The following IQCJ variants were observed in gnomAD, a reference collection of about 807,000 sequenced individuals.
The protein encoded by IQCJ is IQ domain-containing protein J.
In IQCJ, 9 loss-of-function variants were observed where a neutral mutation model predicts 11.0. The ratio of observed to expected loss-of-function variants is 0.82; its 90% CI spans 0.49 to 1.43. The LOEUF (loss-of-function observed/expected upper bound fraction) is 1.43. Among genes scored for constraint, IQCJ ranks in the 40% most tolerant of loss-of-function variants. The pLI, the probability that IQCJ is intolerant of heterozygous loss-of-function variation, is 0.00. For missense variants in IQCJ, 146 were observed against 133.2 expected, an observed-to-expected ratio of 1.10 and a Z score of -0.47; for synonymous variants, 55 against 51.3, an observed-to-expected ratio of 1.07 and a Z score of -0.31.
chr3:159,249,066 G>A (rs1727439999), intron 2 of IQCJ, among the ~76,000 whole-genome samples: 1 of 152,132 alleles, frequency 6.6e-6, no homozygotes, highest in African/African-American at 2.4e-5. Flanking sequence ...GTGTTAGCCA[G>A]GCTGGTCTCG....
intron 1 of IQCJ, among the ~76,000 whole-genome samples, chr3:159,201,511 C>CTGTGTG (rs59855853): frequency 2.5e-4 from 38 of 149,184 alleles, no homozygotes; most frequent in African/African-American, 7.2e-4. Context: ...TTGTGTATCT[C>CTGTGTG]TGTGTGTGTG....
At chr3:159,069,716 G>GGAA in intron 1 of IQCJ, 1 of 570,978 alleles carries the variant, frequency 1.8e-6, no homozygotes, top group South Asian at 1.8e-5. Flanking sequence ...CACTTCCTAT[G>GGAA]AACATCCAGA....
chr3:159,107,846 C>T (rs1017886970), intron 1 of IQCJ, among the ~76,000 whole-genome samples: 1 of 151,824 alleles, frequency 6.6e-6, no homozygotes, highest in South Asian at 2.1e-4. Flanking sequence ...TGTCTTTATT[C>T]GTTCACTGGA....
chr3:159,135,012 G>A (rs1720207359), intron 1 of IQCJ, among the ~76,000 whole-genome samples: 1 of 152,238 alleles, frequency 6.6e-6, no homozygotes, highest in Non-Finnish European at 1.5e-5. Context: ...TTATATACCA[G>A]GACAGTTTGT....
intron 1 of IQCJ, among the ~76,000 whole-genome samples, chr3:159,164,127 C>T (rs921133590): frequency 3.3e-5 from 5 of 152,184 alleles, no homozygotes; most frequent in African/African-American, 1.2e-4. Context: ...GTGGTAACCC[C>T]TTTAAACTTA....
intron 1 of IQCJ, among the ~76,000 whole-genome samples, chr3:159,213,868 C>G (rs1372138158): frequency 6.6e-6 from 1 of 152,082 alleles, no homozygotes; most frequent in Non-Finnish European, 1.5e-5. Context: ...TTTGGAAACT[C>G]CTAAGTTGAC....
intron 1 of IQCJ, among the ~76,000 whole-genome samples, chr3:159,091,829 A>C (rs754334147): frequency 3.4e-4 from 52 of 151,922 alleles, no homozygotes; most frequent in Middle Eastern, 3.4e-3. Flanking sequence ...CCATGGGTTC[A>C]TAGTGATTCT....
At position 159,262,804 on chromosome 3, in the gene IQCJ, T is replaced by C. The variant is rs1728295347; in HGVS notation, c.*73T>C. ...TGGTTTGTGACAGTGAAGATCTATG[T>C]AGCTTATTTGCTACCCAGGAACCCA... On this transcript the variant is annotated 3_prime_UTR_variant, in exon 4 of 4. Coordinates refer to ENST00000397832, the MANE Select transcript of IQCJ (RefSeq NM_001042706.3). 1.3e-6 allele frequency: 2 copies of C among 1,527,360 alleles called. No homozygotes were observed. The highest frequency in any genetic ancestry group is 2.6e-5 in the South Asian group (2 of 75,730). 94.6% of individuals were successfully genotyped at this position (1,527,360 alleles called of 1,614,324 possible).
chr3:159,192,352 A>G (rs1723739468), intron 1 of IQCJ, among the ~76,000 whole-genome samples: 1 of 152,218 alleles, frequency 6.6e-6, no homozygotes, highest in Admixed American at 6.5e-5. Flanking sequence ...CAAAACTTGT[A>G]TCCTGGTGCT....
intron 2 of IQCJ, among the ~76,000 whole-genome samples, chr3:159,252,284 G>A (rs780284841): frequency 6.6e-6 from 1 of 152,176 alleles, no homozygotes; most frequent in Non-Finnish European, 1.5e-5. Context: ...TTTGTTCCCA[G>A]TGGAAGCCCT....
At chr3:159,136,912 C>T (rs570044873) in intron 1 of IQCJ, among the ~76,000 whole-genome samples, 3 of 152,206 alleles carry the variant, frequency 2.0e-5, no homozygotes, top group African/African-American at 7.2e-5. Context: ...AAATTGACAG[C>T]ACAAATACAA....
chr3:159,252,808 G>T lies in IQCJ; in HGVS notation c.155+1G>T, dbSNP rs762731163. 3.1e-6 allele frequency: 5 copies of T among 1,609,732 alleles called. No homozygotes were observed. The highest frequency in any genetic ancestry group is 2.5e-6 in the Non-Finnish European group (3 of 1,178,070). ...AGCCCTTGGAATCAAAGGTGAAAATGTAAGTTATTTCAAAGTATAAATTAA... is the reference window on the plus strand; with the variant it reads ...AGCCCTTGGAATCAAAGGTGAAAATTTAAGTTATTTCAAAGTATAAATTAA... On this transcript the variant is annotated splice_donor_variant, in intron 3 of 3. Transcript: ENST00000397832. LOFTEE classifies it high-confidence loss of function.
At chr3:159,116,209 G>A (rs1374799823) in intron 1 of IQCJ, among the ~76,000 whole-genome samples, 1 of 151,800 alleles carries the variant, frequency 6.6e-6, no homozygotes, top group South Asian at 2.1e-4. Context: ...ACTCCAGCCT[G>A]GACAACAGAG....
chr3:159,154,997 C>T (rs1721435999), intron 1 of IQCJ, among the ~76,000 whole-genome samples: 1 of 152,080 alleles, frequency 6.6e-6, no homozygotes, highest in Admixed American at 6.5e-5. Flanking sequence ...CCATCCTTCG[C>T]CATCCCCATT....
intron 1 of IQCJ, among the ~76,000 whole-genome samples, chr3:159,214,242 C>T (rs1460441326): frequency 6.6e-6 from 1 of 152,174 alleles, no homozygotes; most frequent in East Asian, 1.9e-4. Flanking sequence ...CCATTATTCT[C>T]TCCGTTAATG....
Position 159,141,710 on chromosome 3 carries a change from A to T in IQCJ, c.9+72269A>T, listed in dbSNP as rs369491121. ...TTTACAAGTTAGATGTATGATTTTG[A>T]TAAGTAAGTTACTTACCAAAGCCAT... On this transcript the variant is annotated intron_variant, in intron 1 of 3. Coordinates refer to ENST00000397832, the MANE Select transcript of IQCJ (RefSeq NM_001042706.3). Among the ~76,000 whole-genome samples, 20 of 152,322 alleles carry T rather than the reference A, an allele frequency of 1.3e-4. 1 individual carries two copies. In the East Asian group the frequency reaches 2.9e-3, roughly 22 times the overall value.
chr3:159,153,384 C>T (rs981858649), intron 1 of IQCJ, among the ~76,000 whole-genome samples: 2 of 152,160 alleles, frequency 1.3e-5, no homozygotes, highest in Non-Finnish European at 2.9e-5. Context: ...ACAATGGAGG[C>T]TCTGAGTTAT....
intron 1 of IQCJ, among the ~76,000 whole-genome samples, chr3:159,102,370 C>A (rs748703596): frequency 3.9e-5 from 6 of 152,080 alleles, no homozygotes; most frequent in Middle Eastern, 3.2e-3. Flanking sequence ...CAAATCTATT[C>A]AAAATTTCAG....
chr3:159,214,727 G>A (rs929997321), intron 1 of IQCJ, among the ~76,000 whole-genome samples: 4 of 152,140 alleles, frequency 2.6e-5, no homozygotes, highest in Admixed American at 6.5e-5. Flanking sequence ...TGAAGTATGC[G>A]TCCAATCTAC....
Sources: allele counts gnomAD v4.1 joint callset (sites outside exome capture counted in the v4.1 genomes callset), GRCh38; gene constraint gnomAD v4.1.1; transcripts MANE v1.5; gene names NCBI Gene and HGNC (gene_info 2026-07-23, HGNC 2026-07-21).